Variants in STXBP5L observed in about 807,000 individuals in gnomAD.
STXBP5L encodes the protein syntaxin binding protein 5L.
Under a neutral mutation model 144.5 loss-of-function variants are expected in STXBP5L, and 65 were observed. The ratio of observed to expected loss-of-function variants is 0.45; its 90% confidence interval spans 0.37 to 0.55. The LOEUF (loss-of-function observed/expected upper bound fraction) is 0.55, where lower values mean the gene tolerates loss of function less well. Among genes scored for constraint, STXBP5L ranks in the 20% least tolerant of loss-of-function variants. The probability of loss-of-function intolerance (pLI) is 0.00; values close to 1 mark genes in which losing one functional copy is unlikely to be tolerated. For synonymous variants in STXBP5L, 505 were observed against 469.6 expected, an observed-to-expected ratio of 1.08 and a Z score of -0.97; for missense variants, 1,298 against 1,405.5, an observed-to-expected ratio of 0.92 and a Z score of 1.22.
intron 10 of STXBP5L, among the ~76,000 whole-genome samples, chr3:121,217,034 A>T (rs2048801836): frequency 1.3e-5 from 2 of 151,968 alleles, no homozygotes; most frequent in Non-Finnish European, 2.9e-5. Flanking sequence ...CCCTCCCCCA[A>T]CCAAGCTGGC....
chr3:120,928,265 CT>C (rs35765825), intron 2 of STXBP5L, among the ~76,000 whole-genome samples: 146,097 of 151,760 alleles, frequency 0.96, 70,375 homozygotes, highest in African/African-American at 0.99. Flanking sequence ...ATTCTGACTT[CT>C]TTTTTTTTCC....
chr3:121,095,681 A>C (rs1200303343), intron 5 of STXBP5L, among the ~76,000 whole-genome samples: 1 of 152,090 alleles, frequency 6.6e-6, no homozygotes, highest in African/African-American at 2.4e-5. Context: ...CTAGTTAGCC[A>C]TTCGTCTATT....
intron 9 of STXBP5L, among the ~76,000 whole-genome samples, chr3:121,184,024 C>T (rs1001505341): frequency 6.6e-6 from 1 of 151,858 alleles, no homozygotes; most frequent in African/African-American, 2.4e-5. Flanking sequence ...TCGACACCAA[C>T]AAAAAGGATG....
chr3:120,954,442 GT>G (rs932471397), intron 2 of STXBP5L, among the ~76,000 whole-genome samples: 39 of 151,820 alleles, frequency 2.6e-4, no homozygotes, highest in African/African-American at 8.9e-4. Context: ...TCTTAGCATA[GT>G]TTTTTTTGAG....
intron 20 of STXBP5L, among the ~76,000 whole-genome samples, chr3:121,344,382 A>C (rs2044863651): frequency 6.6e-6 from 1 of 152,158 alleles, no homozygotes; most frequent in African/African-American, 2.4e-5. Context: ...TGGCAACAAA[A>C]GCCAAAATTG....
chr3:120,999,676 T>C (rs1474516640), intron 3 of STXBP5L, among the ~76,000 whole-genome samples: 2 of 152,160 alleles, frequency 1.3e-5, no homozygotes, highest in African/African-American at 4.8e-5. Flanking sequence ...GCGTCAATGG[T>C]CTGTGTACTT....
rs1191875096 is a variant in STXBP5L at position 121,415,921 on chromosome 3, A to C, written c.3179A>C (p.Lys1060Thr). Reference protein sequence around the residue: ...TPEAQNRGFLKGLFGGSGQTF... With the variant: ...TPEAQNRGFLTGLFGGSGQTF... Reference sequence around the variant, plus strand: ...GAAGCTCAAAACAGAGGCTTTCTCAAGGGACTGTTTGGTGGAAGCGGACAA... The same window carrying C: ...GAAGCTCAAAACAGAGGCTTTCTCACGGGACTGTTTGGTGGAAGCGGACAA... Residue 1060 changes from lysine (K) to threonine (T), a missense_variant, in exon 25 of 27, where the codon AAG (lysine) becomes ACG (threonine). By Grantham distance (78) the Lys-to-Thr change is moderately conservative. Transcript: ENST00000471454. The C allele has an allele frequency of 3.1e-6, 5 of 1,613,568 alleles. No individual in the cohort carries two copies. The South Asian group carries it at 4.4e-5, about 14-fold the overall frequency.
At chr3:121,313,115 C>G (rs79947903) in intron 19 of STXBP5L, among the ~76,000 whole-genome samples, 2,574 of 141,476 alleles carry the variant, frequency 0.018, 44 homozygotes, top group Non-Finnish European at 0.027. Flanking sequence ...CCCTCCCAGA[C>G]GGGGCGGCTG....
chr3:121,247,664 A>G (rs1463700480), intron 14 of STXBP5L, among the ~76,000 whole-genome samples: 1 of 152,050 alleles, frequency 6.6e-6, no homozygotes, highest in African/African-American at 2.4e-5. Context: ...CTCTTTTTTT[A>G]TGGCTGTGTA....
Position 120,974,858 on chromosome 3 carries a change from T to C in STXBP5L, c.287+19821T>C, listed in dbSNP as rs947468128. Among the ~76,000 whole-genome samples the C allele has an allele frequency of 2.2e-4, 34 of 152,292 alleles. No individual in the cohort carries two copies. In the East Asian group the frequency reaches 5.6e-3, roughly 25 times the overall value. On this transcript the variant is annotated intron_variant, in intron 3 of 26. Coordinates refer to ENST00000471454, the MANE Select transcript of STXBP5L (RefSeq NM_001308330.2). ...GTCAAAGATCAGATAGTTGTAGATA[T>C]GCGGTGTTATTTCTGAGGGCTCTGT...
rs563219306 is a variant in STXBP5L, at chr3:121,338,121, C to A, written c.2176+19581C>A. ...AAAAGTCTGAAATGAAACAAATTGGCAACCTAACATCACACCTCAAGGAAC... is the reference window on the plus strand; with the variant it reads ...AAAAGTCTGAAATGAAACAAATTGGAAACCTAACATCACACCTCAAGGAAC... On this transcript the variant is annotated intron_variant, in intron 20 of 26. Coordinates refer to ENST00000471454, the MANE Select transcript of STXBP5L (RefSeq NM_001308330.2). Among the ~76,000 whole-genome samples the A allele has an allele frequency of 5.3e-5, 8 of 152,184 alleles. No homozygotes were observed. In the East Asian group the frequency reaches 1.3e-3, roughly 26 times the overall value.
rs572169555 is a variant in STXBP5L at position 121,239,087 on chromosome 3, T to C, written c.1301T>C (p.Val434Ala). 1.9e-6 allele frequency: 3 copies of C among 1,591,316 alleles called. No individual in the cohort carries two copies. Among genetic ancestry groups the C allele is most frequent in the South Asian group, 2.3e-5 (2 of 86,452 alleles). ...ATTCTAGTACTGTATTCTATAGGAG[T>C]CAAGCATAAAAAACAAGGATACAGT... ...DLILVLYSIGVKHKKQGYSNK... is the reference protein window; with the variant it reads ...DLILVLYSIGAKHKKQGYSNK... The change falls in exon 13 of 27, where the codon GTC (valine) becomes GCC (alanine). Residue 434 changes from valine (V) to alanine (A), a missense_variant. Physicochemically the swap from Val to Ala is moderately conservative, Grantham distance 64. Coordinates refer to ENST00000471454, the MANE Select transcript of STXBP5L (RefSeq NM_001308330.2).
chr3:121,054,213 C>T (rs1001367383), intron 5 of STXBP5L, among the ~76,000 whole-genome samples: 1 of 151,980 alleles, frequency 6.6e-6, no homozygotes, highest in Non-Finnish European at 1.5e-5. Flanking sequence ...ACTAGAAATA[C>T]CATTTGACCC....
At chr3:121,190,474 C>G (rs933343711) in intron 9 of STXBP5L, among the ~76,000 whole-genome samples, 1 of 152,222 alleles carries the variant, frequency 6.6e-6, no homozygotes, top group Non-Finnish European at 1.5e-5. Context: ...GACACAGTAA[C>G]AATCCGATCT....
intron 3 of STXBP5L, among the ~76,000 whole-genome samples, chr3:120,992,826 G>T (rs1352867059): frequency 2.0e-5 from 3 of 152,024 alleles, no homozygotes; most frequent in Non-Finnish European, 4.4e-5. Context: ...CTCAGTAGTA[G>T]AATGCTGGAT....
At chr3:121,159,063 G>C (rs1182592531) in intron 9 of STXBP5L, 1 of 151,860 alleles carries the variant, frequency 6.6e-6, no homozygotes, top group Non-Finnish European at 1.5e-5. Context: ...TTTGATAATA[G>C]AGGCATTTAT....
chr3:121,392,493 T>A (rs570257880), intron 22 of STXBP5L, among the ~76,000 whole-genome samples: 1 of 152,252 alleles, frequency 6.6e-6, no homozygotes, highest in East Asian at 1.9e-4. Context: ...TCGATTACAC[T>A]GGGAGCTGCA....
At chr3:121,355,992 C>G (rs569839639) in intron 20 of STXBP5L, among the ~76,000 whole-genome samples, 1 of 152,202 alleles carries the variant, frequency 6.6e-6, no homozygotes, top group Non-Finnish European at 1.5e-5. Flanking sequence ...CACTCGAGAC[C>G]CTGTTTGCCT....
At chr3:121,178,862 G>T (rs1364921179) in intron 9 of STXBP5L, among the ~76,000 whole-genome samples, 1 of 152,078 alleles carries the variant, frequency 6.6e-6, no homozygotes, top group Non-Finnish European at 1.5e-5. Context: ...GAAGAGTCAG[G>T]CAGCCAGCAG....
Sources: allele counts gnomAD v4.1 joint callset (sites outside exome capture counted in the v4.1 genomes callset), GRCh38; gene constraint gnomAD v4.1.1; transcripts MANE v1.5; gene names NCBI Gene and HGNC (gene_info 2026-07-23, HGNC 2026-07-21).